IL1RAPL1: variants seen among roughly 807,000 people sequenced by gnomAD.
IL1RAPL1 encodes interleukin 1 receptor accessory protein like 1.
A neutral mutation model predicts 48.4 loss-of-function variants in IL1RAPL1; 3 were observed. The observed-to-expected ratio is 0.06, with a 90% CI of 0.03 to 0.16. IL1RAPL1 has a LOEUF of 0.16. Ranked by LOEUF, IL1RAPL1 falls within the 10% of genes least tolerant of loss-of-function variation. The pLI is 1.00. For synonymous variants in IL1RAPL1, 185 were observed against 187.7 expected (o/e 0.99, Z 0.12); for missense variants, 349 against 530.6 (o/e 0.66, Z 3.36).
intron 2 of IL1RAPL1, among the ~76,000 whole-genome samples, chrX:28,812,520 T>A (rs931356854): frequency 9.0e-6 from 1 of 110,936 alleles, no homozygotes; most frequent in African/African-American, 3.3e-5. Flanking sequence ...AAAATGTACA[T>A]CTCTCTGATA....
chrX:28,904,391 A>G (rs999106123), intron 2 of IL1RAPL1, among the ~76,000 whole-genome samples: 1 of 112,008 alleles, frequency 8.9e-6, no homozygotes, highest in African/African-American at 3.2e-5. Context: ...ATTCATCGTA[A>G]GCATATTTCT....
intron 6 of IL1RAPL1, among the ~76,000 whole-genome samples, chrX:29,809,631 TTAATG>T (rs1279830138): frequency 1.8e-5 from 2 of 111,429 alleles, no homozygotes; most frequent in East Asian, 5.6e-4. Flanking sequence ...CAATATTTGT[TTAATG>T]TAAGCCCCAT....
In IL1RAPL1 at chrX:29,956,092, G is replaced by C; in HGVS notation, c.*272G>C. Reference sequence around the variant, plus strand: ...TTACATTTTTTTTAAAGAAGAGACTGATGTGTAGATAGAAAACCCTTTTTT... The same window carrying C: ...TTACATTTTTTTTAAAGAAGAGACTCATGTGTAGATAGAAAACCCTTTTTT... On this transcript the variant is annotated 3_prime_UTR_variant, in exon 11 of 11. Transcript: ENST00000378993. 2.8e-6 allele frequency: 1 copy of C among 353,829 alleles called. No homozygotes were observed. The highest frequency in any genetic ancestry group is 4.9e-6 in the Non-Finnish European group (1 of 204,013). 29.2% of individuals were successfully genotyped at this position (353,829 alleles called of 1,213,427 possible).
At chrX:28,860,606 C>T (rs1336597430) in intron 2 of IL1RAPL1, among the ~76,000 whole-genome samples, 1 of 108,955 alleles carries the variant, frequency 9.2e-6, no homozygotes, top group Non-Finnish European at 1.9e-5. Flanking sequence ...TACAGGCACA[C>T]ACCACCACAC....
chrX:28,639,154 G>A (rs908490927), intron 1 of IL1RAPL1, among the ~76,000 whole-genome samples: 7 of 111,956 alleles, frequency 6.3e-5, no homozygotes, highest in Admixed American at 9.4e-5. Flanking sequence ...TGCTCATTAT[G>A]TATTAATCTT....
chrX:28,786,072 A>C (rs1419823658), intron 1 of IL1RAPL1, among the ~76,000 whole-genome samples: 1 of 111,880 alleles, frequency 8.9e-6, no homozygotes, highest in Non-Finnish European at 1.9e-5. Context: ...CAAGTAGAAA[A>C]CTGGGATACA....
chrX:29,722,128 G>T (rs1276970084), intron 6 of IL1RAPL1, among the ~76,000 whole-genome samples: 1 of 111,374 alleles, frequency 9.0e-6, no homozygotes, highest in Non-Finnish European at 1.9e-5. Flanking sequence ...ATAGTGAAAT[G>T]ATCACTATAG....
chrX:29,211,332 T>C (rs989310156), intron 2 of IL1RAPL1, among the ~76,000 whole-genome samples: 1 of 112,247 alleles, frequency 8.9e-6, no homozygotes, highest in African/African-American at 3.2e-5. Context: ...AAGTTTCCTG[T>C]GTTCTAAAGA....
intron 6 of IL1RAPL1, among the ~76,000 whole-genome samples, chrX:29,885,180 A>G (rs147464336): frequency 0.019 from 2,172 of 111,694 alleles, 58 homozygotes; most frequent in African/African-American, 0.066. Flanking sequence ...AATGCCTGCA[A>G]TAACACATCC....
intron 1 of IL1RAPL1, chrX:28,659,545 A>AGGCGAGCTAGAGACTGGCTAGCT (rs1168073353): frequency 6.6e-5 from 29 of 438,070 alleles, no homozygotes; most frequent in East Asian, 4.0e-5. Context: ...CGCTGGCTAG[A>AGGCGAGCTAGAGACTGGCTAGCT]GGCGAGCTAG....
intron 6 of IL1RAPL1, among the ~76,000 whole-genome samples, chrX:29,780,121 T>C (rs781713548): frequency 1.8e-5 from 2 of 111,899 alleles, no homozygotes; most frequent in East Asian, 5.6e-4. Flanking sequence ...CAATGTCAAG[T>C]AAGCTCAACT....
intron 2 of IL1RAPL1, among the ~76,000 whole-genome samples, chrX:28,869,961 T>C (rs1390019408): frequency 8.9e-6 from 1 of 111,911 alleles, no homozygotes; most frequent in African/African-American, 3.2e-5. Context: ...AAATCATATA[T>C]GGCCTTTTGT....
intron 6 of IL1RAPL1, among the ~76,000 whole-genome samples, chrX:29,886,202 T>G (rs1283544612): frequency 8.9e-6 from 1 of 112,330 alleles, no homozygotes; most frequent in Non-Finnish European, 1.9e-5. Context: ...TCAAAACCAT[T>G]TGATTCATTG....
At chrX:29,879,168 C>T (rs964103518) in intron 6 of IL1RAPL1, among the ~76,000 whole-genome samples, 1 of 110,997 alleles carries the variant, frequency 9.0e-6, no homozygotes, top group African/African-American at 3.3e-5. Flanking sequence ...AAAGGTTACA[C>T]ACTGTATAAT....
chrX:28,770,466 G>A (rs1037866008), intron 1 of IL1RAPL1, among the ~76,000 whole-genome samples: 35 of 112,150 alleles, frequency 3.1e-4, no homozygotes, highest in African/African-American at 1.1e-3. Context: ...AATCGTTGTC[G>A]CCTTTGAAAA....
intron 2 of IL1RAPL1, among the ~76,000 whole-genome samples, chrX:28,831,164 T>G (rs2147286515): frequency 1.0e-5 from 1 of 95,480 alleles, no homozygotes; most frequent in South Asian, 5.5e-4. Context: ...GGTGGGAGAT[T>G]AAGGTGATCT....
chrX:29,512,818 G>T (rs947959376), intron 5 of IL1RAPL1, among the ~76,000 whole-genome samples: 1 of 111,623 alleles, frequency 9.0e-6, no homozygotes. Flanking sequence ...GTAGATAAGC[G>T]CTGTCTTGTA....
chrX:28,825,087 T>G (rs1423860337), intron 2 of IL1RAPL1, among the ~76,000 whole-genome samples: 2 of 111,794 alleles, frequency 1.8e-5, no homozygotes, highest in African/African-American at 3.2e-5. Context: ...TTCTAGCATT[T>G]AGCATGTTTG....
At chrX:29,326,398 A>C (rs750963463) in intron 3 of IL1RAPL1, among the ~76,000 whole-genome samples, 1 of 112,565 alleles carries the variant, frequency 8.9e-6, no homozygotes, top group African/African-American at 3.2e-5. Context: ...ATTTGAACTT[A>C]CATCAAATGA....
Sources: allele counts gnomAD v4.1 joint callset (sites outside exome capture counted in the v4.1 genomes callset), GRCh38; gene constraint gnomAD v4.1.1; transcripts MANE v1.5; gene names NCBI Gene and HGNC (gene_info 2026-07-23, HGNC 2026-07-21).